The following KCNAB1 variants were observed in gnomAD, a reference collection of about 807,000 sequenced individuals.
KCNAB1 encodes the protein voltage-gated potassium channel subunit beta-1.
KCNAB1 carries 35 observed loss-of-function variants against 64.6 expected under a neutral mutation model. The observed-to-expected ratio is 0.54, with a 90% confidence interval of 0.41 to 0.72. The LOEUF is 0.72. KCNAB1 is among the 30% of genes least tolerant of loss of function. The pLI is 0.00. For synonymous variants in KCNAB1, 177 were observed against 183.8 expected, an observed-to-expected ratio of 0.96 and a Z score of 0.30; for missense variants, 401 against 512.9, an observed-to-expected ratio of 0.78 and a Z score of 2.11.
chr3:156,290,691 C>T (rs951194560), intron 1 of KCNAB1, among the ~76,000 whole-genome samples: 26 of 152,196 alleles, frequency 1.7e-4, no homozygotes, highest in African/African-American at 6.3e-4. Flanking sequence ...GTTTCAGCCA[C>T]ATGCCTGGAC....
chr3:156,513,151 G>T (rs1448427634), intron 8 of KCNAB1, among the ~76,000 whole-genome samples: 1 of 152,124 alleles, frequency 6.6e-6, no homozygotes, highest in Non-Finnish European at 1.5e-5. Flanking sequence ...GGCGGAGCCT[G>T]CAGGGAGCCG....
intron 1 of KCNAB1, among the ~76,000 whole-genome samples, chr3:156,227,201 C>T (rs1490519975): frequency 6.6e-6 from 1 of 152,172 alleles, no homozygotes; most frequent in Non-Finnish European, 1.5e-5. Context: ...CATTACTCCA[C>T]TGATCAGTAA....
intron 1 of KCNAB1, among the ~76,000 whole-genome samples, chr3:156,177,725 A>G (rs115438527): frequency 0.029 from 4,344 of 150,278 alleles, 85 homozygotes; most frequent in African/African-American, 0.043. Context: ...TCCTCATCTC[A>G]TTTAAATGTA....
At chr3:156,189,244 A>G (rs1165920181) in intron 1 of KCNAB1, among the ~76,000 whole-genome samples, 1 of 152,230 alleles carries the variant, frequency 6.6e-6, no homozygotes, top group East Asian at 1.9e-4. Flanking sequence ...CACAGGGCTA[A>G]GGAGTCCAGA....
chr3:156,198,205 C>A (rs1714080790), intron 1 of KCNAB1, among the ~76,000 whole-genome samples: 1 of 152,082 alleles, frequency 6.6e-6, no homozygotes, highest in African/African-American at 2.4e-5. Flanking sequence ...GTTTTACTTC[C>A]AATTATGTGG....
intron 1 of KCNAB1, among the ~76,000 whole-genome samples, chr3:156,193,284 C>A (rs1467986912): frequency 1.3e-5 from 2 of 152,036 alleles, no homozygotes; most frequent in East Asian, 3.9e-4. Flanking sequence ...AGAAACCATA[C>A]TTTGAGTACC....
intron 1 of KCNAB1, among the ~76,000 whole-genome samples, chr3:156,248,789 CT>C (rs1717627438): frequency 1.3e-5 from 2 of 152,164 alleles, no homozygotes; most frequent in African/African-American, 4.8e-5. Context: ...TATTTTCCCC[CT>C]GGTTAAGCCA....
intron 1 of KCNAB1, among the ~76,000 whole-genome samples, chr3:156,416,002 A>G (rs529870014): frequency 1.3e-5 from 2 of 152,282 alleles, no homozygotes; most frequent in African/African-American, 4.8e-5. Context: ...CCAGCTGGCC[A>G]AATCAGAAAC....
intron 1 of KCNAB1, among the ~76,000 whole-genome samples, chr3:156,318,738 A>G (rs534319253): frequency 1.2e-4 from 19 of 152,312 alleles, no homozygotes; most frequent in Non-Finnish European, 1.6e-4. Flanking sequence ...TTTGTTTTGC[A>G]TGGCTTAATT....
Position 156,371,354 on chromosome 3 carries a change from T to C in KCNAB1, c.276-50262T>C, listed in dbSNP as rs559610071. 7.2e-5 allele frequency among the ~76,000 whole-genome samples: 11 copies of C among 152,188 alleles called. No homozygotes were observed. The East Asian group carries it at 2.1e-3, about 29-fold the overall frequency. ...ATGTGAAAAAGAAGCTACCACAGGGTTATTGGGAGGGTAAAGTCAAACAGC... is the reference window on the plus strand; with the variant it reads ...ATGTGAAAAAGAAGCTACCACAGGGCTATTGGGAGGGTAAAGTCAAACAGC... On this transcript the variant is annotated intron_variant, in intron 1 of 13. Transcript: ENST00000490337.
At chr3:156,221,212 T>C (rs1715709421) in intron 1 of KCNAB1, among the ~76,000 whole-genome samples, 1 of 152,200 alleles carries the variant, frequency 6.6e-6, no homozygotes, top group African/African-American at 2.4e-5. Flanking sequence ...TCACTTTTGG[T>C]TCCATATGAA....
chr3:156,179,116 A>C (rs1348610344), intron 1 of KCNAB1, among the ~76,000 whole-genome samples: 1 of 152,046 alleles, frequency 6.6e-6, no homozygotes, highest in Admixed American at 6.5e-5. Flanking sequence ...ATATTATATA[A>C]GGTTTATTTT....
chr3:156,314,886 T>C (rs1722173410), intron 1 of KCNAB1, among the ~76,000 whole-genome samples: 1 of 152,132 alleles, frequency 6.6e-6, no homozygotes, highest in Admixed American at 6.5e-5. Context: ...TGGTGGCACA[T>C]GCCTGTAGTC....
intron 1 of KCNAB1, among the ~76,000 whole-genome samples, chr3:156,257,802 T>C (rs1718185594): frequency 6.6e-6 from 1 of 152,170 alleles, no homozygotes; most frequent in Non-Finnish European, 1.5e-5. Flanking sequence ...AAAGGACCTG[T>C]CAATCCTTTC....
intron 8 of KCNAB1, among the ~76,000 whole-genome samples, chr3:156,491,758 T>C (rs1234018729): frequency 6.6e-6 from 1 of 152,096 alleles, no homozygotes; most frequent in African/African-American, 2.4e-5. Flanking sequence ...TTTTTACTCC[T>C]CTTATAGGGC....
intron 1 of KCNAB1, among the ~76,000 whole-genome samples, chr3:156,379,132 A>G (rs1711955623): frequency 6.6e-6 from 1 of 152,234 alleles, no homozygotes; most frequent in Non-Finnish European, 1.5e-5. Flanking sequence ...ATTGCATGGC[A>G]GCAGCACTCT....
rs867252483 is a variant in KCNAB1, at chr3:156,158,199, T to G, written c.275+37313T>G. ...AATAAAAAATAAATAAATAAATAAA[T>G]AAATAAATAAATAAATAAATAAATG... On this transcript the variant is annotated intron_variant, in intron 1 of 13. Coordinates refer to ENST00000490337, the MANE Select transcript of KCNAB1 (RefSeq NM_172160.3). 3.6e-5 allele frequency among the ~76,000 whole-genome samples: 5 copies of G among 139,100 alleles called. 1 individual carries two copies. The highest frequency in any genetic ancestry group is 8.0e-5 in the Non-Finnish European group (5 of 62,844). 91.3% of individuals were successfully genotyped at this position (139,100 alleles called of 152,430 possible).
intron 8 of KCNAB1, among the ~76,000 whole-genome samples, chr3:156,487,678 A>G (rs1715312987): frequency 6.6e-6 from 1 of 152,180 alleles, no homozygotes; most frequent in African/African-American, 2.4e-5. Context: ...GGGAAGCAGT[A>G]GGAAGGGAAA....
At chr3:156,190,803 C>T (rs1029203864) in intron 1 of KCNAB1, among the ~76,000 whole-genome samples, 3 of 152,158 alleles carry the variant, frequency 2.0e-5, no homozygotes, top group Non-Finnish European at 4.4e-5. Flanking sequence ...AAGAGATTCT[C>T]CTGCCTCAGT....
Sources: allele counts gnomAD v4.1 joint callset (sites outside exome capture counted in the v4.1 genomes callset), GRCh38; gene constraint gnomAD v4.1.1; transcripts MANE v1.5; gene names NCBI Gene and HGNC (gene_info 2026-07-23, HGNC 2026-07-21).